Variants in RELN observed in about 807,000 individuals in gnomAD.
RELN encodes the protein reelin.
Under a neutral mutation model 427.6 loss-of-function variants are expected in RELN, and 108 were observed. That is an observed-to-expected ratio of 0.25 (90% CI 0.22 to 0.30). The LOEUF (loss-of-function observed/expected upper bound fraction) is 0.30. Ranked by LOEUF, RELN falls within the 10% of genes least tolerant of loss-of-function variation. The pLI, the probability that RELN is intolerant of heterozygous loss-of-function variation, is 1.00. For synonymous variants in RELN, 1,524 were observed against 1,513.4 expected, an observed-to-expected ratio of 1.01 and a Z score of -0.16; for missense variants, 3,715 against 4,302.8, an observed-to-expected ratio of 0.86 and a Z score of 3.82.
chr7:103,887,945 C>T (rs1794760744), intron 2 of RELN, among the ~76,000 whole-genome samples: 1 of 152,036 alleles, frequency 6.6e-6, no homozygotes, highest in Non-Finnish European at 1.5e-5. Context: ...TAGAACTAGC[C>T]CAGGGAGTTC....
At chr7:103,723,056 T>C (rs1291161482) in intron 8 of RELN, 84 bp downstream of exon 8, 1 of 817,128 alleles carries the variant, frequency 1.2e-6, no homozygotes, top group East Asian at 2.5e-5. Flanking sequence ...TCCAAAAGCA[T>C]CTGGCATTAT....
Position 103,914,626 on chromosome 7 carries a change from A to T in RELN, c.337+2449T>A, listed in dbSNP as rs146758929. On this transcript the variant is annotated intron_variant, in intron 2 of 64. Coordinates refer to ENST00000428762, the MANE Select transcript of RELN (RefSeq NM_005045.4). ...CCTCCTTTAATTATCAGGGCTACCC[A>T]GCATCTTATGAAGAAGGTAACCTTA... Among the ~76,000 whole-genome samples, 9 of 152,224 alleles carry T rather than the reference A, an allele frequency of 5.9e-5. No individual in the cohort carries two copies. In the East Asian group the frequency reaches 1.7e-3, roughly 29 times the overall value.
Position 103,523,544 on chromosome 7 carries a change from T to C in RELN, c.7350-13A>G. On this transcript the variant is annotated splice_polypyrimidine_tract_variant and intron_variant, in intron 46 of 64. Coordinates refer to ENST00000428762, the MANE Select transcript of RELN (RefSeq NM_005045.4). ...AGTGGCTTGGGACCTTTGAAGAAGATGAGAATTTTAATGAAGGATGCTGTG... is the reference window on the plus strand; with the variant it reads ...AGTGGCTTGGGACCTTTGAAGAAGACGAGAATTTTAATGAAGGATGCTGTG... The C allele has an allele frequency of 6.2e-6, 10 of 1,613,522 alleles. No homozygotes were observed. The highest frequency in any genetic ancestry group is 2.2e-5 in the East Asian group (1 of 44,868).
chr7:103,635,684 C>A, intron 18 of RELN, 98 bp from the exon 19 acceptor site: 1 of 978,368 alleles, frequency 1.0e-6, no homozygotes, highest in Non-Finnish European at 1.6e-6. Flanking sequence ...TTTCTACTCA[C>A]CCCTCTTTTA....
chr7:103,735,046 A>T (rs1790456941), intron 6 of RELN, among the ~76,000 whole-genome samples: 1 of 152,170 alleles, frequency 6.6e-6, no homozygotes, highest in Non-Finnish European at 1.5e-5. Context: ...AATCTATTTT[A>T]TATGTACACC....
In RELN at chr7:103,820,118, A is replaced by G. The variant is rs116673829; in HGVS notation, c.473+13419T>C. Among the ~76,000 whole-genome samples, 968 of 152,172 alleles carry G rather than the reference A, an allele frequency of 6.4e-3. 8 individuals carry two copies. Among genetic ancestry groups the G allele is most frequent in the African/African-American group, 0.021 (878 of 41,566 alleles). ...AGCATGGCATTTATTATAAATAAGG[A>G]AGTCTGAAAAATGTCAGATATTTCA... is the stretch of plus-strand genomic sequence containing the variant. On this transcript the variant is annotated intron_variant, in intron 3 of 64. Transcript: ENST00000428762.
chr7:103,853,728 C>T (rs1356787125), intron 2 of RELN, among the ~76,000 whole-genome samples: 1 of 151,530 alleles, frequency 6.6e-6, no homozygotes, highest in Non-Finnish European at 1.5e-5. Context: ...TTATATGTCT[C>T]ATAATATACA....
At chr7:103,600,239 T>G (rs1191503916) in intron 24 of RELN, among the ~76,000 whole-genome samples, 1 of 152,122 alleles carries the variant, frequency 6.6e-6, no homozygotes, top group Non-Finnish European at 1.5e-5. Context: ...GGTGGGCAAA[T>G]GGTCTAAGGA....
rs543450361 is a variant in RELN at position 103,642,818 on chromosome 7, A to T, written c.2003-2209T>A. On this transcript the variant is annotated intron_variant, in intron 16 of 64. Coordinates refer to ENST00000428762, the MANE Select transcript of RELN (RefSeq NM_005045.4). ...CTTAAAAAGTGTGACAGCAAGAAAA[A>T]GTCACTCGTATTCTGCTATCTAGAG... Among the ~76,000 whole-genome samples the T allele has an allele frequency of 3.6e-3, 542 of 152,250 alleles. 2 individuals carry two copies. Among genetic ancestry groups the T allele is most frequent in the Non-Finnish European group, 6.3e-3 (427 of 68,014 alleles).
At chr7:103,916,458 C>G (rs1795484045) in intron 2 of RELN, among the ~76,000 whole-genome samples, 1 of 152,126 alleles carries the variant, frequency 6.6e-6, no homozygotes, top group South Asian at 2.1e-4. Context: ...GCATGTTTAA[C>G]AGCATTATGG....
chr7:103,769,396 C>A (rs1008098611), intron 4 of RELN, among the ~76,000 whole-genome samples: 1 of 152,080 alleles, frequency 6.6e-6, no homozygotes, highest in Non-Finnish European at 1.5e-5. Context: ...GAGGATACAT[C>A]ATCAAAGGCA....
At position 103,498,118 on chromosome 7, in the gene RELN, C is replaced by T. The variant is rs1182011781; in HGVS notation, c.8802G>A (p.Val2934=). ...CCAAATCTTGTGTAACCGCTTGTCT[C>T]ACAGTGGATCCCCCAAAATAGAGTG... ...DTALYFGGST[V]RQAVTQDLDL... Residue 2934 remains valine, a synonymous_variant, in exon 54 of 65, where the codon GTG becomes GTA. Transcript: ENST00000428762. 3 of 1,614,034 alleles carry T rather than the reference C, an allele frequency of 1.9e-6. No homozygotes were observed. The highest frequency in any genetic ancestry group is 2.5e-6 in the Non-Finnish European group (3 of 1,180,024).
At chr7:103,604,315 T>A in intron 23 of RELN, 31 bp downstream of exon 23, 1 of 1,613,334 alleles carries the variant, frequency 6.2e-7, no homozygotes, top group African/African-American at 1.3e-5. Context: ...TTGAGAAGCA[T>A]GGACCTCATC....
chr7:103,924,386 T>C (rs1450793788), intron 1 of RELN, among the ~76,000 whole-genome samples: 1 of 151,976 alleles, frequency 6.6e-6, no homozygotes, highest in Non-Finnish European at 1.5e-5. Flanking sequence ...CGCAGTGTGA[T>C]AAAGGACTAA....
At chr7:103,855,276 CA>C (rs1365512249) in intron 2 of RELN, among the ~76,000 whole-genome samples, 1 of 152,154 alleles carries the variant, frequency 6.6e-6, no homozygotes, top group African/African-American at 2.4e-5. Flanking sequence ...CAGTGGTGTG[CA>C]CAGGCAGCAC....
At chr7:103,887,446 A>G (rs944516894) in intron 2 of RELN, among the ~76,000 whole-genome samples, 42 of 152,194 alleles carry the variant, frequency 2.8e-4, no homozygotes, top group Admixed American at 1.4e-3. Context: ...GTTTGCATGG[A>G]TGGAAGGATA....
chr7:103,697,749 G>T, intron 10 of RELN, 104 bp downstream of exon 10: 1 of 1,526,930 alleles, frequency 6.5e-7, no homozygotes, highest in Non-Finnish European at 9.0e-7. Context: ...TTTAATAGTG[G>T]TTTTGGTAAA....
chr7:103,745,898 C>T (rs930879901), intron 6 of RELN, among the ~76,000 whole-genome samples: 1 of 152,162 alleles, frequency 6.6e-6, no homozygotes, highest in Non-Finnish European at 1.5e-5. Context: ...ACTTTCTTCA[C>T]AGAACTGGAA....
At chr7:103,746,349 A>G (rs551552781) in intron 6 of RELN, among the ~76,000 whole-genome samples, 1 of 152,332 alleles carries the variant, frequency 6.6e-6, no homozygotes, top group Admixed American at 6.5e-5. Context: ...TTCAGGACAT[A>G]GGTATGGGCA....
Sources: gnomAD v4.1 joint callset for allele counts (sites outside exome capture counted in the v4.1 genomes callset) on GRCh38, gnomAD v4.1.1 for gene constraint, MANE v1.5 for transcripts, NCBI Gene and HGNC (gene_info 2026-07-23, HGNC 2026-07-21) for gene names.